Variants in NWD2 observed in about 807,000 individuals in gnomAD.
NWD2 encodes the protein NACHT and WD repeat domain-containing protein 2.
NWD2 carries 37 observed loss-of-function variants against 132.7 expected under a neutral mutation model. The observed-to-expected ratio is 0.28, with a 90% CI of 0.21 to 0.37. NWD2 has a LOEUF of 0.37. Among genes scored for constraint, NWD2 ranks in the 10% least tolerant of loss-of-function variants. The pLI is 1.00. For missense variants in NWD2, 1,592 were observed against 2,122.4 expected, an observed-to-expected ratio of 0.75 and a Z score of 4.91; for synonymous variants, 705 against 803.0, an observed-to-expected ratio of 0.88 and a Z score of 2.06.
intron 3 of NWD2, among the ~76,000 whole-genome samples, chr4:37,410,236 A>G (rs1357106285): frequency 6.6e-6 from 1 of 152,192 alleles, no homozygotes; most frequent in Non-Finnish European, 1.5e-5. Flanking sequence ...AAGACCCATC[A>G]GTGTGTTGTG....
rs1433389625 is a variant in NWD2 at position 37,444,033 on chromosome 4, C to T, written c.2045C>T (p.Ala682Val). 1 of 1,551,908 alleles carries T rather than the reference C, an allele frequency of 6.4e-7. No homozygotes were observed. Residue 682 changes from alanine to valine, a missense_variant, in exon 7 of 7, where the codon GCC (alanine) becomes GTC (valine). By Grantham distance (64) the Ala-to-Val change is moderately conservative. Transcript: ENST00000309447. The surrounding 1 kb of genome is among the most constrained non-coding windows in gnomAD (Gnocchi z 4.8). The stretch of plus-strand genomic sequence containing the variant: ...GAAATGGAACTGGAGGATGTGTTAG[C>T]CCTAGACAACAGTGTAATGAGTGAG... ...LSEMELEDVL[A>V]LDNSVMSELK...
intron 1 of NWD2, among the ~76,000 whole-genome samples, chr4:37,264,810 T>C (rs1247142316): frequency 6.6e-6 from 1 of 152,166 alleles, no homozygotes. Context: ...TATGTGTTTT[T>C]TAAATATTTT....
At chr4:37,385,283 A>T (rs908172039) in intron 3 of NWD2, among the ~76,000 whole-genome samples, 3 of 152,152 alleles carry the variant, frequency 2.0e-5, no homozygotes, top group Non-Finnish European at 4.4e-5. Flanking sequence ...TCCCCTGCTT[A>T]AATTCTGAAC....
At chr4:37,293,408 G>A (rs1718404818) in intron 1 of NWD2, among the ~76,000 whole-genome samples, 1 of 152,200 alleles carries the variant, frequency 6.6e-6, no homozygotes, top group African/African-American at 2.4e-5. Flanking sequence ...ATATTTGCTA[G>A]TAATTTAATT....
At chr4:37,387,802 G>A (rs183635823) in intron 3 of NWD2, among the ~76,000 whole-genome samples, 281 of 150,616 alleles carry the variant, frequency 1.9e-3, no homozygotes, top group African/African-American at 5.7e-3. Context: ...AGCCTACTGA[G>A]TAGGTGGGAT....
chr4:37,285,083 A>G (rs1363278179), intron 1 of NWD2, among the ~76,000 whole-genome samples: 1 of 152,118 alleles, frequency 6.6e-6, no homozygotes, highest in East Asian at 1.9e-4. Context: ...ATACAATGTT[A>G]ACACTCGTTT....
At chr4:37,349,544 C>A (rs540094347) in intron 2 of NWD2, among the ~76,000 whole-genome samples, 1 of 152,164 alleles carries the variant, frequency 6.6e-6, no homozygotes, top group Admixed American at 6.5e-5. Flanking sequence ...TGTTTTTTAT[C>A]TTGTAAATTT....
chr4:37,253,371 G>T (rs1170998982), intron 1 of NWD2, among the ~76,000 whole-genome samples: 1 of 152,158 alleles, frequency 6.6e-6, no homozygotes, highest in Admixed American at 6.5e-5. Context: ...GGAGGTGGTG[G>T]ACCTCCAGAG....
At chr4:37,401,492 G>T (rs1431434904) in intron 3 of NWD2, among the ~76,000 whole-genome samples, 1 of 151,922 alleles carries the variant, frequency 6.6e-6, no homozygotes. Context: ...CATTGCTTTG[G>T]GTACTTCCCA....
rs1211054696 is a variant in NWD2 at position 37,444,337 on chromosome 4, T to C, written c.2349T>C (p.Asn783=). The C allele has an allele frequency of 4.5e-6, 7 of 1,551,892 alleles. No homozygotes were observed. Among genetic ancestry groups the C allele is most frequent in the Non-Finnish European group, 6.1e-6 (7 of 1,147,046 alleles). ...TCTGCCTTGAGGACCCCTACTTGAA[T>C]GGCTGCCTTGACTTGGAGAACAGAA... ...KAFCLEDPYL[N]GCLDLENRSL... The change falls in exon 7 of 7, where the codon AAT becomes AAC. Residue 783 remains asparagine (N), a synonymous_variant. Transcript: ENST00000309447. The surrounding 1 kb of genome is among the most constrained non-coding windows in gnomAD (Gnocchi z 4.8).
chr4:37,385,231 A>G (rs2109309765), intron 3 of NWD2, among the ~76,000 whole-genome samples: 1 of 152,178 alleles, frequency 6.6e-6, no homozygotes, highest in Non-Finnish European at 1.5e-5. Context: ...CCAATAACAG[A>G]TATTGGGAAT....
chr4:37,251,647 C>T (rs1239062121), intron 1 of NWD2, among the ~76,000 whole-genome samples: 1 of 152,198 alleles, frequency 6.6e-6, no homozygotes, highest in South Asian at 2.1e-4. Context: ...GGTGAAGGAA[C>T]TTTGTTCTCC....
At chr4:37,265,478 G>T (rs1170752530) in intron 1 of NWD2, among the ~76,000 whole-genome samples, 1 of 152,100 alleles carries the variant, frequency 6.6e-6, no homozygotes, top group Non-Finnish European at 1.5e-5. Flanking sequence ...CAGTTTCACT[G>T]GTCTGAAGTC....
chr4:37,366,956 A>G (rs1253145227), intron 3 of NWD2, among the ~76,000 whole-genome samples: 1 of 152,220 alleles, frequency 6.6e-6, no homozygotes, highest in Admixed American at 6.5e-5. Context: ...GTAGATTTGA[A>G]TAACATGATT....
At chr4:37,434,567 T>G (rs572028778) in intron 5 of NWD2, among the ~76,000 whole-genome samples, 1 of 152,274 alleles carries the variant, frequency 6.6e-6, no homozygotes, top group Non-Finnish European at 1.5e-5. Context: ...TAATAGTGAC[T>G]GATAAAGGAT....
intron 1 of NWD2, among the ~76,000 whole-genome samples, chr4:37,320,890 GC>G (rs1387384013): frequency 6.6e-6 from 1 of 152,160 alleles, no homozygotes; most frequent in Non-Finnish European, 1.5e-5. Flanking sequence ...GGGTGCACTG[GC>G]TTACACCTGT....
chr4:37,372,078 A>G (rs1486836750), intron 3 of NWD2, among the ~76,000 whole-genome samples: 3 of 152,158 alleles, frequency 2.0e-5, no homozygotes, highest in Non-Finnish European at 4.4e-5. Flanking sequence ...TCATTGTTAG[A>G]TAAAATCAAT....
intron 2 of NWD2, among the ~76,000 whole-genome samples, chr4:37,336,885 G>A (rs1008135380): frequency 6.8e-6 from 1 of 147,148 alleles, no homozygotes; most frequent in Non-Finnish European, 1.5e-5. Flanking sequence ...GTTGCAGTGG[G>A]CCGAGATCAA....
At chr4:37,257,988 T>G (rs1717554174) in intron 1 of NWD2, among the ~76,000 whole-genome samples, 1 of 152,222 alleles carries the variant, frequency 6.6e-6, no homozygotes, top group South Asian at 2.1e-4. Context: ...TAGTAAAAAA[T>G]TATTTCTTTC....
Sources: gnomAD v4.1 joint callset for allele counts (sites outside exome capture counted in the v4.1 genomes callset) on GRCh38, gnomAD v4.1.1 for gene constraint, Gnocchi (gnomAD v3.1) non-coding constraint, MANE v1.5 for transcripts, NCBI Gene and HGNC (gene_info 2026-07-23, HGNC 2026-07-21) for gene names.